The following WIF1 variants were observed in gnomAD, a reference collection of about 807,000 sequenced individuals.
WIF1 encodes the protein Wnt inhibitory factor 1.
In WIF1, 35 loss-of-function variants were observed where a neutral mutation model predicts 53.5. The ratio of observed to expected loss-of-function variants is 0.65; its 90% CI spans 0.50 to 0.87. The LOEUF is 0.87. Ranked by LOEUF, WIF1 falls within the 40% of genes least tolerant of loss-of-function variation. The pLI, the probability that WIF1 is intolerant of heterozygous loss-of-function variation, is 0.00. For synonymous variants in WIF1, 171 were observed against 170.4 expected (o/e 1.00, Z -0.03); for missense variants, 467 against 476.8 (o/e 0.98, Z 0.19).
intron 3 of WIF1, among the ~76,000 whole-genome samples, chr12:65,071,409 G>A (rs906749171): frequency 2.0e-5 from 3 of 151,996 alleles, no homozygotes; most frequent in Admixed American, 6.6e-5. Context: ...TCTAATGAAA[G>A]TTTTAAAATA....
chr12:65,070,833 T>C (rs1186266727), intron 3 of WIF1, among the ~76,000 whole-genome samples: 1 of 152,112 alleles, frequency 6.6e-6, no homozygotes. Context: ...TTGCCAGCAT[T>C]ATCAAATTTC....
At position 65,121,099 on chromosome 12, in the gene WIF1, C is replaced by T. The variant is rs781492372; in HGVS notation, c.93G>A (p.Pro31=). The change falls in exon 1 of 10, where the codon CCG becomes CCA. Residue 31 remains proline, a synonymous_variant. Coordinates refer to ENST00000286574, the MANE Select transcript of WIF1 (RefSeq NM_007191.5). ...TCCATAGGTACAGGCTCTCCTCCTGCGGCGGCCCGGCCTCCGCCCGCAGTG... is the reference window on the plus strand; with the variant it reads ...TCCATAGGTACAGGCTCTCCTCCTGTGGCGGCCCGGCCTCCGCCCGCAGTG... The part of the protein sequence containing the change: ...LLALRAEAGP[P]QEESLYLWID... 1.3e-6 allele frequency: 2 copies of T among 1,545,290 alleles called. No homozygotes were observed.
rs116752473 is a variant in WIF1, at chr12:65,080,130, C to T, written c.289-2276G>A. Among the ~76,000 whole-genome samples the T allele has an allele frequency of 2.1e-3, 325 of 152,242 alleles. 2 individuals are homozygous for T. The highest frequency in any genetic ancestry group is 7.3e-3 in the African/African-American group (305 of 41,536). ...GTCTCAGATGCTGTGGGAACTTGTC[C>T]ATACTTGAAGTTAATTGAGAAACAC... On this transcript the variant is annotated intron_variant, in intron 2 of 9. Transcript: ENST00000286574.
intron 2 of WIF1, among the ~76,000 whole-genome samples, chr12:65,084,466 T>C (rs554820601): frequency 6.6e-6 from 1 of 152,350 alleles, no homozygotes; most frequent in Admixed American, 6.5e-5. Flanking sequence ...TAGCCATGCC[T>C]ATATTCCAGT....
At chr12:65,120,950 T>G (rs1883599181) in intron 1 of WIF1, 94 bp downstream of exon 1, 2 of 1,347,160 alleles carry the variant, frequency 1.5e-6, no homozygotes, top group South Asian at 4.2e-5. Context: ...GGAAATTAAG[T>G]TTTAAAACAC....
intron 2 of WIF1, among the ~76,000 whole-genome samples, chr12:65,100,079 A>T (rs1198972871): frequency 6.6e-6 from 1 of 152,340 alleles, no homozygotes; most frequent in East Asian, 1.9e-4. Flanking sequence ...AAAGAAACTC[A>T]TAAAAATATT....
chr12:65,121,004 G>T, intron 1 of WIF1, 40 bp downstream of exon 1: 4 of 1,423,170 alleles, frequency 2.8e-6, no homozygotes, highest in Non-Finnish European at 3.7e-6. Context: ...GGAGAGAGGA[G>T]GACATAGGCA....
rs1483900312 is a variant in WIF1, at chr12:65,121,297, T to C, written c.-106A>G. 5.4e-6 allele frequency: 7 copies of C among 1,289,248 alleles called. No individual in the cohort carries two copies. Among genetic ancestry groups the C allele is most frequent in the Non-Finnish European group, 6.9e-6 (7 of 1,014,596 alleles). The allele number at this position is 1,289,248 out of a possible 1,614,324, so 79.9% of individuals were successfully genotyped here. On this transcript the variant is annotated 5_prime_UTR_variant, in exon 1 of 10. Coordinates refer to ENST00000286574, the MANE Select transcript of WIF1 (RefSeq NM_007191.5). ...GCTGCAGCTCCCTCAGCCAGGGCTG[T>C]TCCCGTTTAGACGGCTGGGCGCGTC...
At chr12:65,106,143 C>T (rs534651012) in intron 2 of WIF1, among the ~76,000 whole-genome samples, 114 of 152,120 alleles carry the variant, frequency 7.5e-4, no homozygotes, top group African/African-American at 2.6e-3. Flanking sequence ...CTGGTCTTTG[C>T]AAGGGAAAAA....
rs1310299825 is a variant in WIF1 at position 65,121,254 on chromosome 12, C to A, written c.-63G>T. The A allele has an allele frequency of 1.5e-6, 2 of 1,374,300 alleles. No homozygotes were observed. Among genetic ancestry groups the A allele is most frequent in the African/African-American group, 1.5e-5 (1 of 67,388 alleles). 85.1% of individuals were successfully genotyped at this position (1,374,300 alleles called of 1,614,324 possible). On this transcript the variant is annotated 5_prime_UTR_variant, in exon 1 of 10. Coordinates refer to ENST00000286574, the MANE Select transcript of WIF1 (RefSeq NM_007191.5). ...GTGCCGCACCTACGCAACCTGGCGC[C>A]GTCAGATACTCTGCTGCGCTGCAGC...
chr12:65,106,377 T>A (rs550377811), intron 2 of WIF1, among the ~76,000 whole-genome samples: 75 of 140,144 alleles, frequency 5.4e-4, no homozygotes, highest in East Asian at 2.1e-3. Flanking sequence ...ATATATATTT[T>A]TTTTTATTTT....
At chr12:65,100,253 A>G (rs1299068301) in intron 2 of WIF1, among the ~76,000 whole-genome samples, 3 of 152,238 alleles carry the variant, frequency 2.0e-5, no homozygotes, top group Non-Finnish European at 4.4e-5. Context: ...TCACAATTAT[A>G]GTCATGCCCA....
intron 6 of WIF1, among the ~76,000 whole-genome samples, chr12:65,066,097 T>A (rs1408916713): frequency 2.0e-5 from 3 of 152,154 alleles, no homozygotes; most frequent in African/African-American, 7.2e-5. Context: ...CAGCTAATTG[T>A]TCACAAAAAT....
intron 2 of WIF1, among the ~76,000 whole-genome samples, chr12:65,112,972 C>T (rs1883455468): frequency 6.6e-6 from 1 of 152,196 alleles, no homozygotes. Flanking sequence ...ACTTCCTAAC[C>T]TCATTTGGAT....
chr12:65,064,390 C>T (rs1007585906), intron 6 of WIF1, among the ~76,000 whole-genome samples: 1 of 152,216 alleles, frequency 6.6e-6, no homozygotes. Context: ...TTCTCTAGGG[C>T]TGAGGCCCCA....
intron 4 of WIF1, 104 bp downstream of exon 4, chr12:65,068,648 CATGTGTGTGTGT>C (rs902038263): frequency 8.9e-5 from 98 of 1,103,254 alleles, no homozygotes; most frequent in East Asian, 4.7e-4. Flanking sequence ...TCCAAAAAAC[CATGTGTGTGTGT>C]GTGTGTGTGT....
At position 65,121,024 on chromosome 12, in the gene WIF1, G is replaced by T. The variant is rs1235435072; in HGVS notation, c.148+20C>A. ...GAGGAGGACATAGGCAGGGGAAGGC[G>T]CTGGAGGCGGGGGCCTTACCTATGA... On this transcript the variant is annotated intron_variant, in intron 1 of 9. Coordinates refer to ENST00000286574, the MANE Select transcript of WIF1 (RefSeq NM_007191.5). 1 of 1,442,682 alleles carries T rather than the reference G, an allele frequency of 6.9e-7. No individual in the cohort carries two copies. Among genetic ancestry groups the T allele is most frequent in the East Asian group, 2.8e-5 (1 of 36,218 alleles). 89.4% of individuals were successfully genotyped at this position (1,442,682 alleles called of 1,614,324 possible).
chr12:65,057,597 T>C (rs1882548408), intron 7 of WIF1, among the ~76,000 whole-genome samples: 1 of 151,604 alleles, frequency 6.6e-6, no homozygotes. Context: ...ATTTTGGTAG[T>C]GGAGGAGTTT....
intron 2 of WIF1, among the ~76,000 whole-genome samples, chr12:65,109,432 G>A (rs542685150): frequency 3.6e-4 from 55 of 152,338 alleles, no homozygotes; most frequent in African/African-American, 1.2e-3. Flanking sequence ...AACTTGAGAA[G>A]TGAGGTATGG....
Sources: allele counts gnomAD v4.1 joint callset (sites outside exome capture counted in the v4.1 genomes callset), GRCh38; gene constraint gnomAD v4.1.1; transcripts MANE v1.5; gene names NCBI Gene and HGNC (gene_info 2026-07-23, HGNC 2026-07-21).